CRACD: variants seen among roughly 807,000 people sequenced by gnomAD.
CRACD encodes the protein capping protein-inhibiting regulator of actin dynamics.
Under a neutral mutation model 106.8 loss-of-function variants are expected in CRACD, and 56 were observed. The ratio of observed to expected loss-of-function variants is 0.52; its 90% CI spans 0.42 to 0.66. CRACD has a LOEUF of 0.66. Among genes scored for constraint, CRACD ranks in the 30% least tolerant of loss-of-function variants. The probability of loss-of-function intolerance (pLI) is 0.00; values close to 1 mark genes in which losing one functional copy is unlikely to be tolerated. For missense variants in CRACD, 1,730 were observed against 1,623.2 expected (o/e 1.07, Z -1.13); for synonymous variants, 754 against 670.8 (o/e 1.12, Z -1.92).
intron 10 of CRACD, among the ~76,000 whole-genome samples, chr4:56,327,092 C>T (rs1746500699): frequency 6.6e-6 from 1 of 152,142 alleles, no homozygotes. Context: ...TGATCTTTTT[C>T]TTCATGGAAT....
intron 1 of CRACD, among the ~76,000 whole-genome samples, chr4:56,148,439 T>G (rs1379886760): frequency 1.3e-5 from 2 of 152,146 alleles, no homozygotes; most frequent in East Asian, 3.9e-4. Flanking sequence ...TACAGGTGTG[T>G]ATCGCCATGC....
intron 3 of CRACD, among the ~76,000 whole-genome samples, chr4:56,290,771 T>G (rs1222425088): frequency 6.6e-6 from 1 of 152,192 alleles, no homozygotes; most frequent in Non-Finnish European, 1.5e-5. Flanking sequence ...GCTGACTGCC[T>G]TCTAAAGCCC....
At chr4:56,174,750 G>A (rs1736515386) in intron 1 of CRACD, among the ~76,000 whole-genome samples, 1 of 152,128 alleles carries the variant, frequency 6.6e-6, no homozygotes, top group Non-Finnish European at 1.5e-5. Context: ...AAACATGGGA[G>A]TACAGTGTAT....
At position 56,313,243 on chromosome 4, in the gene CRACD, C is replaced by T; in HGVS notation, c.401C>T (p.Ala134Val). ...CGGCCAAAAAGGCACTTCTCTTCTGCTGGCACCATCGAAAGTGTCAACTTA... is the reference window on the plus strand; with the variant it reads ...CGGCCAAAAAGGCACTTCTCTTCTGTTGGCACCATCGAAAGTGTCAACTTA... ...PSRPKRHFSS[A>V]GTIESVNLDA... The change falls in exon 7 of 11, where the codon GCT becomes GTT. Residue 134 changes from alanine to valine, a missense_variant. By Grantham distance (64) the Ala-to-Val change is moderately conservative. Around this residue, in one of 5 missense-constraint regions of CRACD, gnomAD observed 1,620 missense variants for 1,481.6 expected, o/e 1.09. Transcript: ENST00000682029. The T allele has an allele frequency of 6.2e-7, 1 of 1,614,208 alleles. No homozygotes were observed. Among genetic ancestry groups the T allele is most frequent in the East Asian group, 2.2e-5 (1 of 44,876 alleles).
At chr4:56,280,379 C>G (rs1388376758) in intron 3 of CRACD, among the ~76,000 whole-genome samples, 1 of 151,970 alleles carries the variant, frequency 6.6e-6, no homozygotes, top group Non-Finnish European at 1.5e-5. Context: ...CTTGAATAGC[C>G]CCATCCCCCA....
chr4:56,099,120 T>C (rs1733697476), intron 1 of CRACD, among the ~76,000 whole-genome samples: 1 of 152,170 alleles, frequency 6.6e-6, no homozygotes, highest in Non-Finnish European at 1.5e-5. Flanking sequence ...GAAGAATGGG[T>C]GACTGTGGAC....
At position 56,171,419 on chromosome 4, in the gene CRACD, C is replaced by T. The variant is rs527445461; in HGVS notation, c.-335-7865C>T. 6.6e-5 allele frequency among the ~76,000 whole-genome samples: 10 copies of T among 152,210 alleles called. No individual in the cohort carries two copies. The South Asian group carries it at 2.1e-3, about 32-fold the overall frequency. On this transcript the variant is annotated intron_variant, in intron 1 of 10. Transcript: ENST00000682029. ...AAGGAACAGTTTCAAGTAGTGTTGT[C>T]CAGTTAGCAGCATCATAGATTAGGG...
intron 2 of CRACD, among the ~76,000 whole-genome samples, chr4:56,243,919 A>G (rs151269195): frequency 6.6e-6 from 1 of 152,032 alleles, no homozygotes. Context: ...CTCTCCCTCA[A>G]AGCCCCTTAC....
chr4:56,299,499 A>G (rs1340324221), intron 4 of CRACD, among the ~76,000 whole-genome samples: 4 of 151,934 alleles, frequency 2.6e-5, no homozygotes, highest in African/African-American at 9.7e-5. Flanking sequence ...GTGAAACCCC[A>G]TCTCTACCAA....
chr4:56,316,592 C>T lies in CRACD; in HGVS notation c.3090C>T (p.Asp1030=), dbSNP rs28559894. 0.32 allele frequency: 522,974 copies of T among 1,612,376 alleles called. 87,696 individuals carry two copies. The highest frequency in any genetic ancestry group is 0.38 in the Middle Eastern group (2,333 of 6,060). The change falls in exon 8 of 11, where the codon GAC becomes GAT. Residue 1030 remains aspartate (D), a synonymous_variant. Transcript: ENST00000682029. ...AGGAAAGGAAGGGACAGAAGAGGGA[C>T]GAGGAGGAAGAGGCGACAGAGAGGA... is the stretch of plus-strand genomic sequence containing the variant. ...GPEERKGQKR[D]EEEEATERKP...
chr4:56,234,678 T>A (rs183575306), intron 2 of CRACD, among the ~76,000 whole-genome samples: 242 of 152,178 alleles, frequency 1.6e-3, no homozygotes, highest in African/African-American at 5.6e-3. Context: ...AGAGCCAGGA[T>A]TTGATAGGGT....
chr4:56,202,772 A>G (rs1017809095), intron 2 of CRACD, among the ~76,000 whole-genome samples: 2 of 152,162 alleles, frequency 1.3e-5, no homozygotes, highest in African/African-American at 4.8e-5. Context: ...ATTTTTTCTA[A>G]TAAAAGTATT....
At chr4:56,185,550 G>A (rs1264661011) in intron 2 of CRACD, among the ~76,000 whole-genome samples, 1 of 152,164 alleles carries the variant, frequency 6.6e-6, no homozygotes, top group Non-Finnish European at 1.5e-5. Context: ...TTTGCTGGGA[G>A]AGCTGGGGTG....
chr4:56,152,837 C>T lies in CRACD; in HGVS notation c.-335-26447C>T, dbSNP rs1577696664. On this transcript the variant is annotated intron_variant, in intron 1 of 10. Transcript: ENST00000682029. ...CTGACATCCTGTGCTAAGTCATCTT[C>T]CCATGGGAATGCCCTCTTCACCTGT... 1.3e-5 allele frequency among the ~76,000 whole-genome samples: 2 copies of T among 152,296 alleles called. 1 individual carries two copies. Among genetic ancestry groups the T allele is most frequent in the East Asian group, 3.9e-4 (2 of 5,180 alleles).
At chr4:56,160,805 C>T (rs376237690) in intron 1 of CRACD, among the ~76,000 whole-genome samples, 1 of 152,254 alleles carries the variant, frequency 6.6e-6, no homozygotes, top group East Asian at 1.9e-4. Context: ...CTGTTCACCT[C>T]TGCCTCTGGT....
At chr4:56,165,203 G>A (rs1463022279) in intron 1 of CRACD, among the ~76,000 whole-genome samples, 1 of 151,638 alleles carries the variant, frequency 6.6e-6, no homozygotes, top group Non-Finnish European at 1.5e-5. Context: ...CACTTTAGCA[G>A]ACACATTACT....
chr4:56,053,976 G>A (rs1421066371), intron 1 of CRACD, among the ~76,000 whole-genome samples: 5 of 152,114 alleles, frequency 3.3e-5, no homozygotes, highest in Non-Finnish European at 7.3e-5. Flanking sequence ...TGCAGCTAAT[G>A]AAATTGTGTA....
chr4:56,090,583 C>T (rs1026013443), intron 1 of CRACD, among the ~76,000 whole-genome samples: 2 of 152,016 alleles, frequency 1.3e-5, no homozygotes, highest in African/African-American at 2.4e-5. Context: ...TTTGTAGAGA[C>T]AAGGTTTTGC....
chr4:56,327,249 A>C (rs1288116864), intron 10 of CRACD, among the ~76,000 whole-genome samples: 4 of 152,106 alleles, frequency 2.6e-5, no homozygotes, highest in Non-Finnish European at 5.9e-5. Flanking sequence ...CTCCTCACTG[A>C]GGGAGTCCAG....
Sources: allele counts gnomAD v4.1 joint callset (sites outside exome capture counted in the v4.1 genomes callset), GRCh38; gene constraint gnomAD v4.1.1; regional missense constraint gnomAD v4.1.1; transcripts MANE v1.5; gene names NCBI Gene and HGNC (gene_info 2026-07-23, HGNC 2026-07-21).